Variants in GALNT7 observed in about 807,000 individuals in gnomAD.
The protein encoded by GALNT7 is N-acetylgalactosaminyltransferase 7.
A neutral mutation model predicts 82.1 loss-of-function variants in GALNT7; 60 were observed. That is an observed-to-expected ratio of 0.73 (90% CI 0.59 to 0.91). The LOEUF is 0.91. Among genes scored for constraint, GALNT7 ranks in the 40% least tolerant of loss-of-function variants. The pLI, the probability that GALNT7 is intolerant of heterozygous loss-of-function variation, is 0.00. For missense variants in GALNT7, 660 were observed against 804.2 expected (o/e 0.82, Z 2.17); for synonymous variants, 243 against 275.1 (o/e 0.88, Z 1.15).
intron 9 of GALNT7, 62 bp downstream of exon 9, chr4:173,314,238 A>G (rs1737508894): frequency 1.8e-6 from 2 of 1,091,762 alleles, no homozygotes; most frequent in Admixed American, 3.4e-5. Flanking sequence ...AGGCAGAGAG[A>G]GGTGGAAATA....
intron 6 of GALNT7, chr4:173,298,514 A>C: frequency 2.4e-6 from 1 of 421,636 alleles, no homozygotes; most frequent in Non-Finnish European, 4.2e-6. Flanking sequence ...TGAGACGTAC[A>C]CACTTTCATT....
intron 2 of GALNT7, among the ~76,000 whole-genome samples, chr4:173,283,820 T>A (rs1030238476): frequency 1.6e-4 from 24 of 151,756 alleles, no homozygotes; most frequent in African/African-American, 4.1e-4. Context: ...AAACAACGAG[T>A]TTTTCCAATT....
intron 2 of GALNT7, among the ~76,000 whole-genome samples, chr4:173,269,315 A>G (rs927314457): frequency 2.0e-5 from 3 of 152,322 alleles, no homozygotes; most frequent in African/African-American, 7.2e-5. Context: ...TGTTCCGCCC[A>G]TAATTCATCT....
intron 1 of GALNT7, among the ~76,000 whole-genome samples, chr4:173,214,047 A>G (rs1437115174): frequency 6.6e-6 from 1 of 152,176 alleles, no homozygotes; most frequent in Non-Finnish European, 1.5e-5. Context: ...AAGTTAATGT[A>G]AGGGCTTTTC....
chr4:173,235,712 C>T (rs1734202438), intron 1 of GALNT7, among the ~76,000 whole-genome samples: 2 of 152,104 alleles, frequency 1.3e-5, no homozygotes, highest in African/African-American at 2.4e-5. Context: ...CCCACCACCA[C>T]GCCCAGCTAA....
chr4:173,268,944 T>A (rs1282663707), intron 2 of GALNT7, among the ~76,000 whole-genome samples: 1 of 152,070 alleles, frequency 6.6e-6, no homozygotes, highest in Non-Finnish European at 1.5e-5. Flanking sequence ...AATCCACAAA[T>A]AATAAGGAGC....
At chr4:173,181,350 C>T (rs1465375194) in intron 1 of GALNT7, among the ~76,000 whole-genome samples, 1 of 152,140 alleles carries the variant, frequency 6.6e-6, no homozygotes, top group African/African-American at 2.4e-5. Context: ...GTCAAAGAGG[C>T]TGGAGAATGT....
At chr4:173,199,533 A>G (rs1341435206) in intron 1 of GALNT7, among the ~76,000 whole-genome samples, 1 of 152,284 alleles carries the variant, frequency 6.6e-6, no homozygotes, top group East Asian at 1.9e-4. Flanking sequence ...TTTTAGTGCC[A>G]TGGTCCAGCT....
At chr4:173,300,766 T>C (rs368554069) in intron 6 of GALNT7, among the ~76,000 whole-genome samples, 6 of 151,704 alleles carry the variant, frequency 4.0e-5, no homozygotes, top group African/African-American at 7.3e-5. Flanking sequence ...TCGGGAGATA[T>C]TGGAAAGTCC....
intron 1 of GALNT7, among the ~76,000 whole-genome samples, chr4:173,206,287 T>C (rs1362125383): frequency 1.3e-5 from 2 of 152,232 alleles, no homozygotes; most frequent in African/African-American, 4.8e-5. Context: ...GTGATGCAAG[T>C]GATGTCAAAC....
chr4:173,234,976 C>A lies in GALNT7; in HGVS notation c.127-13004C>A, dbSNP rs554458179. On this transcript the variant is annotated intron_variant, in intron 1 of 11. Transcript: ENST00000265000. The stretch of plus-strand genomic sequence containing the variant: ...GGTACCATGCTTCTTATACAGCCTG[C>A]AGAACTGTGAGCCAAATAAACCTCT... Among the ~76,000 whole-genome samples the A allele has an allele frequency of 2.0e-5, 3 of 152,270 alleles. No individual in the cohort carries two copies. The South Asian group carries it at 6.2e-4, about 32-fold the overall frequency.
In GALNT7 at chr4:173,290,660, T is replaced by A. The variant is rs147960161; in HGVS notation, c.588-1448T>A. On this transcript the variant is annotated intron_variant, in intron 2 of 11. Transcript: ENST00000265000. ...TTTATGTCGTAAACTTCTATGTTGT[T>A]TGAATTTTGTACAACAAACTATGCA... Among the ~76,000 whole-genome samples, 668 of 152,338 alleles carry A rather than the reference T, an allele frequency of 4.4e-3. 10 individuals carry two copies. The highest frequency in any genetic ancestry group is 0.015 in the African/African-American group (638 of 41,574).
Position 173,295,369 on chromosome 4 carries a change from A to T in GALNT7, c.755-27A>T, listed in dbSNP as rs774636751. 3 of 1,454,740 alleles carry T rather than the reference A, an allele frequency of 2.1e-6. No individual in the cohort carries two copies. In the South Asian group the frequency reaches 3.5e-5, roughly 17 times the overall value. 90.1% of individuals were successfully genotyped at this position (1,454,740 alleles called of 1,614,324 possible). A position where few individuals can be genotyped will look rare whatever the true frequency, so the allele number is the denominator to read the frequency against. On this transcript the variant is annotated intron_variant, in intron 3 of 11. Transcript: ENST00000265000. ...TAATTGGTTTCTATTCGTCTAATTT[A>T]TAATATCGATTGATTTTTCTTAACA...
intron 1 of GALNT7, among the ~76,000 whole-genome samples, chr4:173,193,380 A>G (rs888512993): frequency 6.6e-6 from 1 of 152,200 alleles, no homozygotes; most frequent in African/African-American, 2.4e-5. Flanking sequence ...GAAAATTCAC[A>G]TGGAAGCCAG....
chr4:173,264,842 T>A (rs1735420878), intron 2 of GALNT7, among the ~76,000 whole-genome samples: 1 of 152,214 alleles, frequency 6.6e-6, no homozygotes, highest in African/African-American at 2.4e-5. Context: ...GTGGCATGCT[T>A]TCTTTTGTGG....
chr4:173,317,645 C>T lies in GALNT7; in HGVS notation c.1620C>T (p.Phe540=), dbSNP rs781093537. The change falls in exon 10 of 12, where the codon TTC becomes TTT. Residue 540 remains phenylalanine (F), a synonymous_variant. Coordinates refer to ENST00000265000, the MANE Select transcript of GALNT7 (RefSeq NM_017423.3). The stretch of plus-strand genomic sequence containing the variant: ...ATTCATTTTTTTAGATCAGAGGCTT[C>T]GAAACTGCTTACTGCATTGATAGCA... ...KNVDWGEIRG[F]ETAYCIDSMG... is the part of the protein sequence containing the mutation. 11 of 1,608,996 alleles carry T rather than the reference C, an allele frequency of 6.8e-6. No homozygotes were observed. The highest frequency in any genetic ancestry group is 6.7e-5 in the Admixed American group (4 of 59,946).
chr4:173,248,552 A>C lies in GALNT7; in HGVS notation c.587+112A>C. ...AATAATTATTGATGCCTTTATTTCA[A>C]GGAAATAAGAGGATCTTTGAACAGC... is the stretch of plus-strand genomic sequence containing the variant. On this transcript the variant is annotated intron_variant, in intron 2 of 11. Transcript: ENST00000265000. The C allele has an allele frequency of 7.4e-6, 5 of 675,818 alleles. No homozygotes were observed. The South Asian group carries it at 9.7e-5, about 13-fold the overall frequency. 41.9% of individuals were successfully genotyped at this position (675,818 alleles called of 1,614,324 possible). A position where few individuals can be genotyped will look rare whatever the true frequency, so the allele number is the denominator to read the frequency against.
chr4:173,321,849 T>C lies in GALNT7; in HGVS notation c.*132T>C, dbSNP rs1737831276. 1 of 588,288 alleles carries C rather than the reference T, an allele frequency of 1.7e-6. No homozygotes were observed. The highest frequency in any genetic ancestry group is 3.0e-6 in the Non-Finnish European group (1 of 330,906). The allele number at this position is 588,288 out of a possible 1,614,324, so 36.4% of individuals were successfully genotyped here. ...CAAACCTGGAACCTCCTGATCAGTTTGAAGGACATTGATAAACTGTGATTT... is the reference window on the plus strand; with the variant it reads ...CAAACCTGGAACCTCCTGATCAGTTCGAAGGACATTGATAAACTGTGATTT... On this transcript the variant is annotated 3_prime_UTR_variant, in exon 12 of 12. Transcript: ENST00000265000.
intron 5 of GALNT7, among the ~76,000 whole-genome samples, chr4:173,296,514 G>C (rs770791716): frequency 6.6e-6 from 1 of 152,202 alleles, no homozygotes; most frequent in Non-Finnish European, 1.5e-5. Flanking sequence ...GATTTAATGT[G>C]AAGGCCGAAC....
Sources: gnomAD v4.1 joint callset for allele counts (sites outside exome capture counted in the v4.1 genomes callset) on GRCh38, gnomAD v4.1.1 for gene constraint, MANE v1.5 for transcripts, NCBI Gene and HGNC (gene_info 2026-07-23, HGNC 2026-07-21) for gene names.